TIMMDC1: variants seen among roughly 807,000 people sequenced by gnomAD.
TIMMDC1 encodes the protein complex I assembly factor TIMMDC1, mitochondrial.
TIMMDC1 carries 25 observed loss-of-function variants against 32.6 expected under a neutral mutation model. The ratio of observed to expected loss-of-function variants is 0.77; its 90% confidence interval spans 0.56 to 1.07. TIMMDC1 has a LOEUF of 1.07. Among genes scored for constraint, TIMMDC1 ranks in the 50% least tolerant of loss-of-function variants. The probability of loss-of-function intolerance (pLI) is 0.00; values close to 1 mark genes in which losing one functional copy is unlikely to be tolerated. For missense variants in TIMMDC1, 329 were observed against 349.2 expected (o/e 0.94, Z 0.46); for synonymous variants, 130 against 127.6 (o/e 1.02, Z -0.13).
Position 119,498,615 on chromosome 3 carries a change from G to A in TIMMDC1, c.-119G>A, listed in dbSNP as rs2081841528. On this transcript the variant is annotated 5_prime_UTR_variant, in exon 1 of 7. Coordinates refer to ENST00000494664, the MANE Select transcript of TIMMDC1 (RefSeq NM_016589.4). ...TGTGGGTGTCGAGCCCTCTGGCAGA[G>A]GGTTAACCTGGGTCAAATGCACGGA... 3 of 1,004,472 alleles carry A rather than the reference G, an allele frequency of 3.0e-6. No individual in the cohort carries two copies. The highest frequency in any genetic ancestry group is 3.2e-5 in the African/African-American group (2 of 62,798). 62.2% of individuals were successfully genotyped at this position (1,004,472 alleles called of 1,614,324 possible).
chr3:119,515,082 C>T (rs747292165), intron 5 of TIMMDC1, among the ~76,000 whole-genome samples: 4 of 151,786 alleles, frequency 2.6e-5, no homozygotes, highest in East Asian at 1.9e-4. Context: ...CACAGATACT[C>T]GGGAGGCTGA....
chr3:119,503,816 T>C, intron 3 of TIMMDC1, 138 bp from the exon 4 acceptor site: 1 of 815,568 alleles, frequency 1.2e-6, no homozygotes, highest in Non-Finnish European at 1.9e-6. Flanking sequence ...CTGGAACACA[T>C]TGAAGGGGCC....
At chr3:119,501,541 C>T (rs1022319027) in intron 2 of TIMMDC1, among the ~76,000 whole-genome samples, 2 of 151,996 alleles carry the variant, frequency 1.3e-5, no homozygotes, top group African/African-American at 4.8e-5. Context: ...CTTATACAAC[C>T]ACAATTATAA....
At chr3:119,520,326 T>C (rs1363905155) in intron 6 of TIMMDC1, among the ~76,000 whole-genome samples, 2 of 151,950 alleles carry the variant, frequency 1.3e-5, no homozygotes, top group South Asian at 2.1e-4. Context: ...AAATGAAAAG[T>C]TGGTTTCTTG....
rs2081990165 is a variant in TIMMDC1, at chr3:119,517,232, A to G, written c.624A>G (p.Ala208=). ...CTCCTGTAGGAGGCCTGCTGATGGCATTTCAGAAGTACTCTGGTGAGACTG... is the reference window on the plus strand; with the variant it reads ...CTCCTGTAGGAGGCCTGCTGATGGCGTTTCAGAAGTACTCTGGTGAGACTG... ...LGTPVGGLLM[A]FQKYSGETVQ... Residue 208 remains alanine, a synonymous_variant, in exon 6 of 7, where the codon GCA becomes GCG. Coordinates refer to ENST00000494664, the MANE Select transcript of TIMMDC1 (RefSeq NM_016589.4). 2.5e-6 allele frequency: 4 copies of G among 1,613,546 alleles called. No homozygotes were observed. Among genetic ancestry groups the G allele is most frequent in the Non-Finnish European group, 3.4e-6 (4 of 1,179,708 alleles).
At position 119,506,145 on chromosome 3, in the gene TIMMDC1, A is replaced by G. The variant is rs979445358; in HGVS notation, c.517+2124A>G. ...AGCAGCCAGATTGTTTCATTTTTAA[A>G]TTTGCAAGCATTTTTACATGGGTCT... On this transcript the variant is annotated intron_variant, in intron 4 of 6. Coordinates refer to ENST00000494664, the MANE Select transcript of TIMMDC1 (RefSeq NM_016589.4). Among the ~76,000 whole-genome samples the G allele has an allele frequency of 3.3e-5, 5 of 152,320 alleles. 2 individuals are homozygous for G. In the South Asian group the frequency reaches 1.0e-3, roughly 32 times the overall value.
chr3:119,506,838 T>A (rs1415198150), intron 4 of TIMMDC1, among the ~76,000 whole-genome samples: 1 of 152,236 alleles, frequency 6.6e-6, no homozygotes, highest in Non-Finnish European at 1.5e-5. Context: ...TCTCCTCGGA[T>A]TTCCCAACAT....
At chr3:119,498,995 C>T (rs1377292347) in intron 1 of TIMMDC1, 68 bp downstream of exon 1, 1 of 1,448,708 alleles carries the variant, frequency 6.9e-7, no homozygotes, top group Admixed American at 1.9e-5. Context: ...CGTGGGCAGC[C>T]TGGGTCAGCC....
rs925105498 is a variant in TIMMDC1, at chr3:119,498,672, G to A, written c.-62G>A. ...CCTCGTACAGTTACGCTCTCCCGCGGCACGTCCGCGAGGACTTGAAGTCCT... is the reference window on the plus strand; with the variant it reads ...CCTCGTACAGTTACGCTCTCCCGCGACACGTCCGCGAGGACTTGAAGTCCT... On this transcript the variant is annotated 5_prime_UTR_variant, in exon 1 of 7. Transcript: ENST00000494664. 2.0e-6 allele frequency: 3 copies of A among 1,535,188 alleles called. No individual in the cohort carries two copies. Among genetic ancestry groups the A allele is most frequent in the Non-Finnish European group, 2.7e-6 (3 of 1,117,444 alleles).
chr3:119,500,943 G>A (rs1577094821), intron 2 of TIMMDC1, 83 bp downstream of exon 2: 2 of 1,397,678 alleles, frequency 1.4e-6, no homozygotes, highest in African/African-American at 1.4e-5. Context: ...TAGGTTGTGG[G>A]GATGGAGGGT....
At chr3:119,521,547 A>AGTAG in intron 6 of TIMMDC1, among the ~76,000 whole-genome samples, 1 of 138,338 alleles carries the variant, frequency 7.2e-6, no homozygotes, top group African/African-American at 3.4e-5. Context: ...ACAAAAGAAA[A>AGTAG]TTAGGCACAG....
intron 5 of TIMMDC1, among the ~76,000 whole-genome samples, chr3:119,516,132 T>G (rs2081984187): frequency 1.3e-5 from 2 of 152,240 alleles, no homozygotes; most frequent in Non-Finnish European, 2.9e-5. Context: ...TTCACCATCT[T>G]AATCATATTT....
intron 6 of TIMMDC1, 91 bp from the exon 7 acceptor site, chr3:119,523,515 G>A: frequency 7.4e-7 from 1 of 1,345,732 alleles, no homozygotes; most frequent in Non-Finnish European, 1.0e-6. Flanking sequence ...AAAGCAGGGA[G>A]GAAAAGACAA....
At chr3:119,499,986 A>G (rs758074827) in intron 1 of TIMMDC1, among the ~76,000 whole-genome samples, 1 of 152,176 alleles carries the variant, frequency 6.6e-6, no homozygotes, top group Admixed American at 6.5e-5. Flanking sequence ...CTATGTTGCT[A>G]TGCTGGATTT....
intron 4 of TIMMDC1, among the ~76,000 whole-genome samples, chr3:119,510,544 T>C (rs2081946566): frequency 6.6e-6 from 1 of 151,642 alleles, no homozygotes; most frequent in African/African-American, 2.4e-5. Context: ...TTAAAATCTG[T>C]ATAAAGTTAC....
chr3:119,520,177 A>G (rs2082016088), intron 6 of TIMMDC1, among the ~76,000 whole-genome samples: 1 of 152,172 alleles, frequency 6.6e-6, no homozygotes, highest in Non-Finnish European at 1.5e-5. Flanking sequence ...CAAATAAACA[A>G]CCTAACACTG....
At chr3:119,499,216 C>A (rs762176184) in intron 1 of TIMMDC1, among the ~76,000 whole-genome samples, 5 of 150,166 alleles carry the variant, frequency 3.3e-5, no homozygotes, top group Non-Finnish European at 7.4e-5. Flanking sequence ...ACCTCAGCCT[C>A]CCGATTAATT....
chr3:119,510,227 C>T (rs1383337495), intron 4 of TIMMDC1, among the ~76,000 whole-genome samples: 2 of 150,966 alleles, frequency 1.3e-5, no homozygotes, highest in East Asian at 3.9e-4. Context: ...TCAGCAGTTA[C>T]TTGAAAAGTA....
rs552825398 is a variant in TIMMDC1, at chr3:119,498,593, G to T, written c.-141G>T. The T allele has an allele frequency of 5.0e-4, 371 of 748,424 alleles. No homozygotes were observed. The highest frequency in any genetic ancestry group is 7.7e-4 in the Middle Eastern group (2 of 2,604). 46.4% of individuals were successfully genotyped at this position (748,424 alleles called of 1,614,324 possible). A position where few individuals can be genotyped will look rare whatever the true frequency, so the allele number is the denominator to read the frequency against. Reference sequence around the variant, plus strand: ...AAGCGAGGCCGGGGACTGAAGGTGTGGGTGTCGAGCCCTCTGGCAGAGGGT... The same window carrying T: ...AAGCGAGGCCGGGGACTGAAGGTGTTGGTGTCGAGCCCTCTGGCAGAGGGT... On this transcript the variant is annotated 5_prime_UTR_variant, in exon 1 of 7. Coordinates refer to ENST00000494664, the MANE Select transcript of TIMMDC1 (RefSeq NM_016589.4).
Sources: gnomAD v4.1 joint callset for allele counts (sites outside exome capture counted in the v4.1 genomes callset) on GRCh38, gnomAD v4.1.1 for gene constraint, MANE v1.5 for transcripts, NCBI Gene and HGNC (gene_info 2026-07-23, HGNC 2026-07-21) for gene names.